The following MYT1L variants were observed in gnomAD, a reference collection of about 807,000 sequenced individuals.
The protein encoded by MYT1L is myelin transcription factor 1-like protein.
In MYT1L, 12 loss-of-function variants were observed where a neutral mutation model predicts 126.7. The observed-to-expected ratio is 0.09, with a 90% CI of 0.06 to 0.15. The LOEUF is 0.15. Ranked by LOEUF, MYT1L falls within the 10% of genes least tolerant of loss-of-function variation. MYT1L has a pLI of 1.00. For missense variants in MYT1L, 979 were observed against 1,585.2 expected, an observed-to-expected ratio of 0.62 and a Z score of 6.49; for synonymous variants, 541 against 604.2, an observed-to-expected ratio of 0.90 and a Z score of 1.53.
rs562847864 is a variant in MYT1L, at chr2:2,276,797, T to C, written c.-421+7607A>G. Among the ~76,000 whole-genome samples the C allele has an allele frequency of 4.1e-4, 63 of 152,096 alleles. 1 individual carries two copies. The highest frequency in any genetic ancestry group is 3.4e-3 in the Middle Eastern group (1 of 294). Reference sequence around the variant, plus strand: ...TGCTTTCTACTCCTCCTCATGATTCTCTCTTGCCTCCATATCAGATGCTGG... The same window carrying C: ...TGCTTTCTACTCCTCCTCATGATTCCCTCTTGCCTCCATATCAGATGCTGG... On this transcript the variant is annotated intron_variant, in intron 2 of 24. Coordinates refer to ENST00000647738, the MANE Select transcript of MYT1L (RefSeq NM_001303052.2).
rs1483568787 is a variant in MYT1L, at chr2:2,038,751, C to T, written c.-158+15227G>A. ...GTGGAAAGGTCACAGGTGGTGAGGCCCTGGTTGATGTGTCCAGCTGTCCCT... is the reference window on the plus strand; with the variant it reads ...GTGGAAAGGTCACAGGTGGTGAGGCTCTGGTTGATGTGTCCAGCTGTCCCT... On this transcript the variant is annotated intron_variant, in intron 4 of 24. Transcript: ENST00000647738. Among the ~76,000 whole-genome samples, 3 of 152,028 alleles carry T rather than the reference C, an allele frequency of 2.0e-5. No homozygotes were observed. In the East Asian group the frequency reaches 5.8e-4, roughly 29 times the overall value.
chr2:1,972,528 T>C (rs1317094554), intron 8 of MYT1L, among the ~76,000 whole-genome samples: 4 of 152,342 alleles, frequency 2.6e-5, no homozygotes, highest in African/African-American at 9.6e-5. Flanking sequence ...AGTTGCAAGT[T>C]GCAATGCTCC....
chr2:2,008,688 T>C (rs77414660), intron 4 of MYT1L, among the ~76,000 whole-genome samples: 2,671 of 152,290 alleles, frequency 0.018, 53 homozygotes, highest in South Asian at 0.092. Flanking sequence ...TGGTTTTGTG[T>C]AGTCCATTTA....
chr2:2,049,448 T>C (rs1301839422), intron 4 of MYT1L, among the ~76,000 whole-genome samples: 1 of 152,242 alleles, frequency 6.6e-6, no homozygotes, highest in Non-Finnish European at 1.5e-5. Context: ...GAAGTTAAAA[T>C]GCCTACATAA....
chr2:2,062,789 C>T (rs1443349154), intron 3 of MYT1L, among the ~76,000 whole-genome samples: 1 of 151,410 alleles, frequency 6.6e-6, no homozygotes, highest in Non-Finnish European at 1.5e-5. Flanking sequence ...GAATCCTTTC[C>T]CCTAGACCCT....
intron 4 of MYT1L, among the ~76,000 whole-genome samples, chr2:2,031,904 A>AT (rs2149927955): frequency 2.8e-5 from 1 of 35,426 alleles, no homozygotes; most frequent in East Asian, 9.3e-4. Context: ...TTATACACAC[A>AT]CCCTCGCCAG....
At position 1,854,003 on chromosome 2, in the gene MYT1L, T is replaced by C. The variant is rs148286470; in HGVS notation, c.2712-2300A>G. ...AACTTAATGTCCTGTCAAATACTTT[T>C]ATTGCTTGGTTTATGTGTCCTTCTT... On this transcript the variant is annotated intron_variant, in intron 18 of 24. Coordinates refer to ENST00000647738, the MANE Select transcript of MYT1L (RefSeq NM_001303052.2). Among the ~76,000 whole-genome samples, 501 of 152,358 alleles carry C rather than the reference T, an allele frequency of 3.3e-3. 4 individuals carry two copies. Among genetic ancestry groups the C allele is most frequent in the Non-Finnish European group, 6.0e-3 (408 of 68,028 alleles).
chr2:1,979,332 A>T lies in MYT1L; in HGVS notation c.90-105T>A, dbSNP rs1398976211. ...GAGGGCGGCTCAGACAGAGGAGAGA[A>T]ATCACACAATCCAAAGGAGGGGGAA... is the stretch of plus-strand genomic sequence containing the variant. On this transcript the variant is annotated intron_variant, in intron 7 of 24. Coordinates refer to ENST00000647738, the MANE Select transcript of MYT1L (RefSeq NM_001303052.2). The surrounding 1 kb of genome is among the most constrained non-coding windows in gnomAD (Gnocchi z 4.0). 2 of 1,164,576 alleles carry T rather than the reference A, an allele frequency of 1.7e-6. No individual in the cohort carries two copies. Among genetic ancestry groups the T allele is most frequent in the Non-Finnish European group, 2.5e-6 (2 of 791,862 alleles). 72.1% of individuals were successfully genotyped at this position (1,164,576 alleles called of 1,614,324 possible). A position where few individuals can be genotyped will look rare whatever the true frequency, so the allele number is the denominator to read the frequency against.
chr2:2,295,861 G>T lies in MYT1L; in HGVS notation c.-520-11358C>A, dbSNP rs149974592. On this transcript the variant is annotated intron_variant, in intron 1 of 24. Coordinates refer to ENST00000647738, the MANE Select transcript of MYT1L (RefSeq NM_001303052.2). ...GAGGGGACGGGAGGTAGCAGAGAGAGACAGAGGGAGAGAGGCAGAGGAATA... is the reference window on the plus strand; with the variant it reads ...GAGGGGACGGGAGGTAGCAGAGAGATACAGAGGGAGAGAGGCAGAGGAATA... Among the ~76,000 whole-genome samples the T allele has an allele frequency of 6.0e-4, 90 of 150,744 alleles. 2 individuals are homozygous for T. The East Asian group carries it at 0.012, about 20-fold the overall frequency.
chr2:2,073,002 T>C (rs1014954051), intron 3 of MYT1L, among the ~76,000 whole-genome samples: 1 of 152,116 alleles, frequency 6.6e-6, no homozygotes, highest in Non-Finnish European at 1.5e-5. Flanking sequence ...CTGCTTTTGG[T>C]TTGTAGACAG....
chr2:1,795,870 T>G (rs2033365055), intron 23 of MYT1L: 1 of 152,254 alleles, frequency 6.6e-6, no homozygotes, highest in Non-Finnish European at 1.5e-5. Context: ...CAAACCCGCA[T>G]TTTTACAGAC....
chr2:1,893,385 G>A (rs1284692601), intron 14 of MYT1L, among the ~76,000 whole-genome samples: 1 of 152,144 alleles, frequency 6.6e-6, no homozygotes. Flanking sequence ...CCCTCCGTCA[G>A]TGAGCCCCTC....
rs556328694 is a variant in MYT1L at position 1,797,370 on chromosome 2, C to T, written c.3276+4326G>A. 4.6e-5 allele frequency among the ~76,000 whole-genome samples: 7 copies of T among 152,318 alleles called. No homozygotes were observed. The South Asian group carries it at 1.5e-3, about 32-fold the overall frequency. ...TCCCGAGTACCTGGGACTACAGGCG[C>T]CCGCCACCACGCTAGGCTTTTTTGT... On this transcript the variant is annotated intron_variant, in intron 23 of 24. Transcript: ENST00000647738.
intron 3 of MYT1L, among the ~76,000 whole-genome samples, chr2:2,103,947 A>G (rs529724872): frequency 6.6e-6 from 1 of 152,318 alleles, no homozygotes; most frequent in African/African-American, 2.4e-5. Context: ...CCCTCTCAGG[A>G]GCTGACTCCA....
At chr2:1,934,352 G>A (rs1238211135) in intron 9 of MYT1L, among the ~76,000 whole-genome samples, 2 of 145,352 alleles carry the variant, frequency 1.4e-5, no homozygotes, top group African/African-American at 2.6e-5. Flanking sequence ...CATATGACAT[G>A]TATTTTCTAT....
chr2:2,203,321 A>C (rs960774358), intron 2 of MYT1L, among the ~76,000 whole-genome samples: 1 of 149,778 alleles, frequency 6.7e-6, no homozygotes, highest in African/African-American at 2.5e-5. Flanking sequence ...AGGAAAAAGG[A>C]AGTCAAATTG....
intron 2 of MYT1L, among the ~76,000 whole-genome samples, chr2:2,188,092 AAAAAT>A (rs1197985180): frequency 3.9e-5 from 6 of 152,176 alleles, no homozygotes; most frequent in African/African-American, 1.4e-4. Flanking sequence ...CCTCTACAGT[AAAAAT>A]AAATGGTTCA....
At chr2:2,223,371 A>G (rs2093928883) in intron 2 of MYT1L, among the ~76,000 whole-genome samples, 3 of 152,274 alleles carry the variant, frequency 2.0e-5, no homozygotes, top group Non-Finnish European at 4.4e-5. Context: ...TTCTCTATTA[A>G]AGAGTATTTG....
At chr2:2,026,832 C>G (rs2065647569) in intron 4 of MYT1L, among the ~76,000 whole-genome samples, 1 of 152,146 alleles carries the variant, frequency 6.6e-6, no homozygotes, top group Non-Finnish European at 1.5e-5. Context: ...CCCTCAACAC[C>G]AGGAGGGCGG....
Sources: allele counts gnomAD v4.1 joint callset (sites outside exome capture counted in the v4.1 genomes callset), GRCh38; gene constraint gnomAD v4.1.1; non-coding constraint Gnocchi (gnomAD v3.1); transcripts MANE v1.5; gene names NCBI Gene and HGNC (gene_info 2026-07-23, HGNC 2026-07-21).